Variants in TMEM131 observed in about 807,000 individuals in gnomAD.
TMEM131 encodes 2610524E03Rik.
In TMEM131, 66 loss-of-function variants were observed where a neutral mutation model predicts 211.6. That is an observed-to-expected ratio of 0.31 (90% CI 0.26 to 0.38). The LOEUF (loss-of-function observed/expected upper bound fraction) is 0.38, where lower values mean the gene tolerates loss of function less well. Among genes scored for constraint, TMEM131 ranks in the 10% least tolerant of loss-of-function variants. The pLI is 1.00. For missense variants in TMEM131, 2,036 were observed against 2,299.3 expected, an observed-to-expected ratio of 0.89 and a Z score of 2.34; for synonymous variants, 844 against 841.3, an observed-to-expected ratio of 1.00 and a Z score of -0.06.
rs771131530 is a variant in TMEM131, at chr2:97,818,707, T to C, written c.1089A>G (p.Thr363=). Residue 363 remains threonine (T), a synonymous_variant, in exon 12 of 41, where the codon ACA becomes ACG. Transcript: ENST00000186436. ...GTACCGTTATAGCATCATTTTGTGG[T>C]GTAGGTCGAACACTCTGCAAAGAGA... is the stretch of plus-strand genomic sequence containing the variant. ...KDVPITSVRP[T]PQNDAITVHF... is the part of the protein sequence containing the mutation. 22 of 1,602,956 alleles carry C rather than the reference T, an allele frequency of 1.4e-5. No individual in the cohort carries two copies. In the African/African-American group the frequency reaches 2.1e-4, roughly 16 times the overall value.
At chr2:97,772,883 G>A (rs573736437) in intron 32 of TMEM131, among the ~76,000 whole-genome samples, 22 of 152,318 alleles carry the variant, frequency 1.4e-4, no homozygotes, top group African/African-American at 4.3e-4. Flanking sequence ...GCGACAGAGC[G>A]AGACGCCATC....
At chr2:97,835,999 C>T (rs752142270) in intron 8 of TMEM131, among the ~76,000 whole-genome samples, 7 of 152,156 alleles carry the variant, frequency 4.6e-5, no homozygotes, top group African/African-American at 7.2e-5. Flanking sequence ...ACAGGAAGTT[C>T]TTAGTTCTGT....
intron 1 of TMEM131, among the ~76,000 whole-genome samples, chr2:97,953,717 G>C (rs1001967749): frequency 6.6e-6 from 1 of 152,190 alleles, no homozygotes; most frequent in African/African-American, 2.4e-5. Context: ...TTCCCTTTAA[G>C]CTACCGTGGA....
At chr2:97,940,853 G>A (rs1677689556) in intron 1 of TMEM131, among the ~76,000 whole-genome samples, 2 of 151,198 alleles carry the variant, frequency 1.3e-5, no homozygotes, top group Admixed American at 1.3e-4. Context: ...AACATTCCAT[G>A]CTCATGGATA....
chr2:97,780,132 C>T (rs886901562), intron 31 of TMEM131, among the ~76,000 whole-genome samples: 4 of 152,066 alleles, frequency 2.6e-5, no homozygotes, highest in African/African-American at 7.2e-5. Context: ...TTATCAGAGA[C>T]CTGTGTTGGG....
chr2:97,802,408 T>G lies in TMEM131; in HGVS notation c.2651+20A>C, dbSNP rs1681075438. The G allele has an allele frequency of 6.5e-7, 1 of 1,529,234 alleles. No individual in the cohort carries two copies. The allele number at this position is 1,529,234 out of a possible 1,614,324, so 94.7% of individuals were successfully genotyped here. A position where few individuals can be genotyped will look rare whatever the true frequency, so the allele number is the denominator to read the frequency against. On this transcript the variant is annotated intron_variant, in intron 24 of 40. Coordinates refer to ENST00000186436, the MANE Select transcript of TMEM131 (RefSeq NM_015348.2). ...TCAATACTACATAGAAACACTGTGA[T>G]GATCCCAAGCAATACTTACCTTGAT...
intron 1 of TMEM131, among the ~76,000 whole-genome samples, chr2:97,955,052 T>C (rs1382169391): frequency 6.6e-6 from 1 of 152,146 alleles, no homozygotes. Flanking sequence ...TAGACCACTA[T>C]TCCTTATTAA....
At chr2:97,798,303 T>C (rs1418638550) in intron 25 of TMEM131, among the ~76,000 whole-genome samples, 1 of 152,242 alleles carries the variant, frequency 6.6e-6, no homozygotes, top group Non-Finnish European at 1.5e-5. Flanking sequence ...CAACATTAAG[T>C]GTAAACTTTT....
At position 97,894,997 on chromosome 2, in the gene TMEM131, C is replaced by T. The variant is rs937471171; in HGVS notation, c.291-6877G>A. On this transcript the variant is annotated intron_variant, in intron 3 of 40. Coordinates refer to ENST00000186436, the MANE Select transcript of TMEM131 (RefSeq NM_015348.2). ...GTTTTTGCCCATTCAGCTTGATAGT[C>T]GCTGTTGGTTTGTCATAAATAGCTC... Among the ~76,000 whole-genome samples the T allele has an allele frequency of 4.6e-5, 7 of 152,098 alleles. No individual in the cohort carries two copies. The South Asian group carries it at 1.5e-3, about 32-fold the overall frequency.
At chr2:97,829,016 G>C (rs914685451) in intron 11 of TMEM131, among the ~76,000 whole-genome samples, 3 of 152,198 alleles carry the variant, frequency 2.0e-5, no homozygotes, top group Non-Finnish European at 2.9e-5. Context: ...AGGACCCCTG[G>C]ATCGACCCAC....
chr2:97,834,360 G>A (rs536913963), intron 10 of TMEM131, among the ~76,000 whole-genome samples: 5 of 152,204 alleles, frequency 3.3e-5, no homozygotes, highest in African/African-American at 1.2e-4. Context: ...ACTATTTTCT[G>A]CCTCAATCTT....
chr2:97,860,906 C>T (rs1372712301), intron 4 of TMEM131, among the ~76,000 whole-genome samples: 1 of 152,142 alleles, frequency 6.6e-6, no homozygotes, highest in East Asian at 1.9e-4. Context: ...AATCTTGAAT[C>T]GCTGATGCCA....
intron 3 of TMEM131, among the ~76,000 whole-genome samples, chr2:97,904,927 C>T (rs987329739): frequency 6.6e-6 from 1 of 152,062 alleles, no homozygotes; most frequent in Non-Finnish European, 1.5e-5. Context: ...CCATGCAACC[C>T]TCCTGTCCTT....
In TMEM131 at chr2:97,818,594, G is replaced by A; in HGVS notation, c.1183+19C>T. 6.8e-7 allele frequency: 1 copy of A among 1,473,100 alleles called. No homozygotes were observed. The highest frequency in any genetic ancestry group is 9.4e-7 in the Non-Finnish European group (1 of 1,060,810). 91.3% of individuals were successfully genotyped at this position (1,473,100 alleles called of 1,614,324 possible). A position where few individuals can be genotyped will look rare whatever the true frequency, so the allele number is the denominator to read the frequency against. On this transcript the variant is annotated intron_variant, in intron 12 of 40. Coordinates refer to ENST00000186436, the MANE Select transcript of TMEM131 (RefSeq NM_015348.2). ...CAAAATAACATCACTCTATCAGAGA[G>A]AAAATGGTGAATACTTGCCATCAAA...
chr2:97,888,248 C>T (rs1052333551), intron 3 of TMEM131, 128 bp from the exon 4 acceptor site: 3 of 592,720 alleles, frequency 5.1e-6, no homozygotes, highest in South Asian at 5.6e-5. Flanking sequence ...AACAATCTAT[C>T]AGAAATGTGC....
chr2:97,851,205 A>C (rs1029401068), intron 5 of TMEM131, among the ~76,000 whole-genome samples: 3 of 151,984 alleles, frequency 2.0e-5, no homozygotes, highest in Non-Finnish European at 2.9e-5. Flanking sequence ...TCATATACCA[A>C]ACTCGAATAC....
intron 8 of TMEM131, 148 bp from the exon 9 acceptor site, chr2:97,835,073 T>A: frequency 1.4e-6 from 1 of 739,636 alleles, no homozygotes; most frequent in Non-Finnish European, 2.1e-6. Context: ...AACCAATATG[T>A]AACACACACT....
At chr2:97,982,356 T>A (rs1229491539) in intron 1 of TMEM131, among the ~76,000 whole-genome samples, 1 of 152,218 alleles carries the variant, frequency 6.6e-6, no homozygotes, top group East Asian at 1.9e-4. Flanking sequence ...GCCCATTTTT[T>A]AATTGCACTG....
At chr2:97,761,996 A>T (rs202105680) in intron 36 of TMEM131, 39 bp downstream of exon 36, 1 of 1,523,660 alleles carries the variant, frequency 6.6e-7, no homozygotes, top group African/African-American at 1.4e-5. Context: ...TTTTAGGCAC[A>T]TTTCAAGCTG....
Sources: gnomAD v4.1 joint callset for allele counts (sites outside exome capture counted in the v4.1 genomes callset) on GRCh38, gnomAD v4.1.1 for gene constraint, MANE v1.5 for transcripts, NCBI Gene and HGNC (gene_info 2026-07-23, HGNC 2026-07-21) for gene names.